The following CACFD1 variants were observed in gnomAD, a reference collection of about 807,000 sequenced individuals.
CACFD1 encodes calcium channel flower homolog.
CACFD1 carries 26 observed loss-of-function variants against 21.3 expected under a neutral mutation model. That is an observed-to-expected ratio of 1.22 (90% confidence interval 0.89 to 1.69). The LOEUF is 1.69. CACFD1 is among the 40% of genes most tolerant of loss of function. The probability of loss-of-function intolerance (pLI) is 0.00; values close to 1 mark genes in which losing one functional copy is unlikely to be tolerated. For synonymous variants in CACFD1, 121 were observed against 106.6 expected, an observed-to-expected ratio of 1.13 and a Z score of -0.83; for missense variants, 265 against 236.2, an observed-to-expected ratio of 1.12 and a Z score of -0.80.
At chr9:133,468,472 C>G in intron 4 of CACFD1, 91 bp from the exon 5 acceptor site, 9 of 1,538,996 alleles carry the variant, frequency 5.8e-6, no homozygotes, top group Non-Finnish European at 7.0e-6. Context: ...CAGGTCACAC[C>G]TGGGTCACAG....
chr9:133,468,810 C>T lies in CACFD1; in HGVS notation c.*157C>T. 7.6e-7 allele frequency: 1 copy of T among 1,308,322 alleles called. No individual in the cohort carries two copies. The highest frequency in any genetic ancestry group is 1.0e-6 in the Non-Finnish European group (1 of 986,352). The allele number at this position is 1,308,322 out of a possible 1,614,324, so 81.0% of individuals were successfully genotyped here. A position where few individuals can be genotyped will look rare whatever the true frequency, so the allele number is the denominator to read the frequency against. ...GCTCCTTTCTCCAGACTGGCTTAAG[C>T]CAGGAGCCACTGGCTGCTGGTGTGA... On this transcript the variant is annotated 3_prime_UTR_variant, in exon 5 of 5. Transcript: ENST00000316948.
chr9:133,460,176 TG>T lies in CACFD1; in HGVS notation c.115del (p.Ala39GlnfsTer18), dbSNP rs1554797996. The stretch of plus-strand genomic sequence containing the variant: ...TGGCTGTGTCGCCTGTCTGGGGTGC[TG>T]GGGGCAGTCTGTGAGTATCCAGTCG... ...YRWLCRLSGVLGAVSCAISGL... is the reference protein window; with the variant it reads ...YRWLCRLSGVXGAVSCAISGL... On this transcript the variant is annotated frameshift_variant, in exon 1 of 5. Transcript: ENST00000316948. LOFTEE classifies it high-confidence loss of function. The T allele has an allele frequency of 2.6e-6, 4 of 1,552,482 alleles. No homozygotes were observed. Among genetic ancestry groups the T allele is most frequent in the East Asian group, 2.4e-5 (1 of 40,978 alleles).
chr9:133,465,139 C>G lies in CACFD1; in HGVS notation c.195-183C>G. 1 of 641,078 alleles carries G rather than the reference C, an allele frequency of 1.6e-6. No homozygotes were observed. The highest frequency in any genetic ancestry group is 1.8e-5 in the South Asian group (1 of 55,390). 39.7% of individuals were successfully genotyped at this position (641,078 alleles called of 1,614,324 possible). A position where few individuals can be genotyped will look rare whatever the true frequency, so the allele number is the denominator to read the frequency against. The stretch of plus-strand genomic sequence containing the variant: ...AGCAGCTGGGGAGTGCTGGAGTCTT[C>G]AGCAGAGGCTCTCCGAGGGGTACGA... On this transcript the variant is annotated intron_variant, in intron 2 of 4. Coordinates refer to ENST00000316948, the MANE Select transcript of CACFD1 (RefSeq NM_017586.5). This position sits in a 1 kb window ranked among gnomAD's most constrained non-coding sequence, Gnocchi z 5.0.
chr9:133,461,813 A>C (rs1002379814), intron 1 of CACFD1: 14 of 948,602 alleles, frequency 1.5e-5, no homozygotes, highest in Non-Finnish European at 1.8e-5. Flanking sequence ...GCTGTATTAC[A>C]GGGTAGAATG....
intron 1 of CACFD1, among the ~76,000 whole-genome samples, chr9:133,460,681 C>T (rs949310474): frequency 2.0e-5 from 3 of 152,148 alleles, no homozygotes; most frequent in African/African-American, 7.2e-5. Flanking sequence ...GAGGCGGGTG[C>T]ACGGCTGGCT....
At chr9:133,460,636 C>T (rs1381143428) in intron 1 of CACFD1, among the ~76,000 whole-genome samples, 1 of 152,212 alleles carries the variant, frequency 6.6e-6, no homozygotes, top group Non-Finnish European at 1.5e-5. Flanking sequence ...ACGGCAGCCA[C>T]ATTGCTAACC....
intron 3 of CACFD1, among the ~76,000 whole-genome samples, chr9:133,466,072 TAGAA>T (rs782350809): frequency 1.3e-5 from 2 of 152,166 alleles, no homozygotes; most frequent in Admixed American, 6.5e-5. Context: ...AGGTTATCTT[TAGAA>T]AGAAGTCTAG....
Position 133,467,985 on chromosome 9 carries a change from T to G in CACFD1, c.385T>G (p.Phe129Val). Residue 129 changes from phenylalanine to valine, a missense_variant, in exon 4 of 5, where the codon TTT becomes GTT. Physicochemically the swap from Phe to Val is conservative, Grantham distance 50. Coordinates refer to ENST00000316948, the MANE Select transcript of CACFD1 (RefSeq NM_017586.5). The part of the protein sequence containing the change: ...LTTLLGNAIA[F>V]ATGVLYGLSA... The stretch of plus-strand genomic sequence containing the variant: ...CACGCTGCTGGGCAACGCCATCGCC[T>G]TTGCTACGGGGGTGCTGTACGGACT... 1 of 1,613,950 alleles carries G rather than the reference T, an allele frequency of 6.2e-7. No homozygotes were observed. Among genetic ancestry groups the G allele is most frequent in the South Asian group, 1.1e-5 (1 of 91,082 alleles).
intron 1 of CACFD1, 136 bp from the exon 2 acceptor site, chr9:133,463,347 G>A (rs1843293718): frequency 6.6e-7 from 1 of 1,521,028 alleles, no homozygotes; most frequent in Non-Finnish European, 8.8e-7. Context: ...TAGAGGGCAG[G>A]CTTCTGGGTG....
chr9:133,465,391 A>G lies in CACFD1; in HGVS notation c.264A>G (p.Thr88=). 1 of 1,614,050 alleles carries G rather than the reference A, an allele frequency of 6.2e-7. No homozygotes were observed. The highest frequency in any genetic ancestry group is 8.5e-7 in the Non-Finnish European group (1 of 1,179,942). Residue 88 remains threonine, a synonymous_variant, in exon 3 of 5, where the codon ACA becomes ACG. Coordinates refer to ENST00000316948, the MANE Select transcript of CACFD1 (RefSeq NM_017586.5). The surrounding 1 kb of genome is among the most constrained non-coding windows in gnomAD (Gnocchi z 5.0). ...GCCAGTTCATCGAGTTTGCAAACAC[A>G]GTGGCGGAGAAGGTGGACCGGCTGC... ...FCCQFIEFAN[T]VAEKVDRLRS... is the part of the protein sequence containing the mutation.
Position 133,465,996 on chromosome 9 carries a change from C to T in CACFD1, c.320+549C>T, listed in dbSNP as rs1434939415. ...CTAATTTCAGGATAAGCTTAATACA[C>T]GGAAACTCCTAGAATAATGCCTCTA... On this transcript the variant is annotated intron_variant, in intron 3 of 4. Coordinates refer to ENST00000316948, the MANE Select transcript of CACFD1 (RefSeq NM_017586.5). The surrounding 1 kb of genome is among the most constrained non-coding windows in gnomAD (Gnocchi z 5.0). The T allele has an allele frequency of 3.3e-5, 5 of 153,648 alleles. No individual in the cohort carries two copies. Among genetic ancestry groups the T allele is most frequent in the South Asian group, 4.0e-4 (2 of 4,946 alleles). 9.5% of individuals were successfully genotyped at this position (153,648 alleles called of 1,614,324 possible). A position where few individuals can be genotyped will look rare whatever the true frequency, so the allele number is the denominator to read the frequency against.
intron 4 of CACFD1, 180 bp downstream of exon 4, chr9:133,468,208 C>T (rs1554799965): frequency 2.5e-6 from 3 of 1,205,244 alleles, no homozygotes; most frequent in South Asian, 1.5e-5. Context: ...GGACTTACAA[C>T]ACTTCTGCGT....
At chr9:133,463,304 A>C (rs1843290637) in intron 1 of CACFD1, 179 bp from the exon 2 acceptor site, 17 of 746,944 alleles carry the variant, frequency 2.3e-5, no homozygotes, top group Non-Finnish European at 2.8e-5. Flanking sequence ...AAGGCACTGC[A>C]CCTCTCTGCG....
intron 1 of CACFD1, 103 bp from the exon 2 acceptor site, chr9:133,463,380 A>C: frequency 6.3e-7 from 1 of 1,590,752 alleles, no homozygotes; most frequent in South Asian, 1.1e-5. Flanking sequence ...TGTGCTGAGC[A>C]TCCGCAGAGA....
At position 133,468,546 on chromosome 9, in the gene CACFD1, CCTCT is replaced by C. The variant is rs781886109; in HGVS notation, c.429-9_429-6del. 8 of 1,564,862 alleles carry C rather than the reference CCTCT, an allele frequency of 5.1e-6. No homozygotes were observed. The highest frequency in any genetic ancestry group is 4.0e-5 in the African/African-American group (3 of 74,276). On this transcript the variant is annotated splice_polypyrimidine_tract_variant and intron_variant, in intron 4 of 4. Transcript: ENST00000316948. ...GGGGCTGGTGCTCCACGTGACGCTG[CCTCT>C]CTCTCTCCCCAGGGGCGATGCGATC...
Position 133,468,674 on chromosome 9 carries a change from C to G in CACFD1, c.*21C>G. The G allele has an allele frequency of 6.4e-7, 1 of 1,551,282 alleles. No individual in the cohort carries two copies. Among genetic ancestry groups the G allele is most frequent in the Non-Finnish European group, 8.7e-7 (1 of 1,150,050 alleles). ...TGTGAAGGGCTGGGCGCCCCTCCCT[C>G]CCTGTCCCCTCTTCTGGCTCTGTGT... On this transcript the variant is annotated 3_prime_UTR_variant, in exon 5 of 5. Coordinates refer to ENST00000316948, the MANE Select transcript of CACFD1 (RefSeq NM_017586.5).
Position 133,468,580 on chromosome 9 carries a change from A to C in CACFD1, c.446A>C (p.Tyr149Ser). 1.9e-6 allele frequency: 3 copies of C among 1,586,824 alleles called. No homozygotes were observed. The highest frequency in any genetic ancestry group is 1.7e-6 in the Non-Finnish European group (2 of 1,168,556). The change falls in exon 5 of 5, where the codon TAT (tyrosine) becomes TCT (serine). Residue 149 changes from tyrosine (Y) to serine (S), a missense_variant. Physicochemically the swap from Tyr to Ser is moderately radical, Grantham distance 144 (BLOSUM62 -2). Transcript: ENST00000316948. ...ALGKKGDAIS[Y>S]ARIQQQRQQA... ...CTCCCCAGGGGCGATGCGATCTCCTATGCCAGGATCCAGCAGCAGAGGCAG... is the reference window on the plus strand; with the variant it reads ...CTCCCCAGGGGCGATGCGATCTCCTCTGCCAGGATCCAGCAGCAGAGGCAG...
Position 133,460,003 on chromosome 9 carries a change from G to C in CACFD1, c.-64G>C. On this transcript the variant is annotated 5_prime_UTR_variant, in exon 1 of 5. Transcript: ENST00000316948. ...CCCTCTCCCACAAGGCAGCGCGCCG[G>C]CTCGGACGCGGCCGGCTACCGAGCC... 4 of 1,464,124 alleles carry C rather than the reference G, an allele frequency of 2.7e-6. No individual in the cohort carries two copies. The highest frequency in any genetic ancestry group is 4.9e-5 in the Admixed American group (2 of 40,614). The allele number at this position is 1,464,124 out of a possible 1,614,324, so 90.7% of individuals were successfully genotyped here.
At chr9:133,460,228 A>C (rs1554798045) in intron 1 of CACFD1, 41 bp downstream of exon 1, 8 of 1,488,564 alleles carry the variant, frequency 5.4e-6, no homozygotes, top group Non-Finnish European at 6.2e-6. Flanking sequence ...CCCGCCGCGC[A>C]TGCGCTCCTC....
Sources: allele counts gnomAD v4.1 joint callset (sites outside exome capture counted in the v4.1 genomes callset), GRCh38; gene constraint gnomAD v4.1.1; non-coding constraint Gnocchi (gnomAD v3.1); transcripts MANE v1.5; gene names NCBI Gene and HGNC (gene_info 2026-07-23, HGNC 2026-07-21).